The following PRH1 variants were observed in gnomAD, a reference collection of about 807,000 sequenced individuals.
PRH1 encodes the protein salivary acidic proline-rich phosphoprotein 1/2.
PRH1 carries 7 observed loss-of-function variants against 7.9 expected under a neutral mutation model. That is an observed-to-expected ratio of 0.89 (90% CI 0.50 to 1.67). The LOEUF is 1.67. Ranked by LOEUF, PRH1 falls within the 40% of genes most tolerant of loss-of-function variation. The pLI, the probability that PRH1 is intolerant of heterozygous loss-of-function variation, is 0.00. For synonymous variants in PRH1, 45 were observed against 80.8 expected, an observed-to-expected ratio of 0.56 and a Z score of 2.38; for missense variants, 109 against 223.6, an observed-to-expected ratio of 0.49 and a Z score of 3.27.
At chr12:10,943,299 T>A (rs1950433321) in intron 2 of PRH1, among the ~76,000 whole-genome samples, 1 of 152,148 alleles carries the variant, frequency 6.6e-6, no homozygotes, top group Non-Finnish European at 1.5e-5. Flanking sequence ...TACCTCATTG[T>A]GGTTTTGATT....
At chr12:10,960,029 A>C (rs993578930) in intron 2 of PRH1, among the ~76,000 whole-genome samples, 1 of 152,228 alleles carries the variant, frequency 6.6e-6, no homozygotes, top group African/African-American at 2.4e-5. Context: ...ATGAAGACTA[A>C]CCATTGGCAA....
At chr12:10,960,863 T>C (rs544671324) in intron 2 of PRH1, among the ~76,000 whole-genome samples, 18 of 152,320 alleles carry the variant, frequency 1.2e-4, no homozygotes, top group African/African-American at 4.3e-4. Flanking sequence ...ACATCCTTTT[T>C]AAAGTAAACG....
At chr12:10,893,845 C>T (rs1440884910) in intron 2 of PRH1, among the ~76,000 whole-genome samples, 1 of 152,016 alleles carries the variant, frequency 6.6e-6, no homozygotes, top group Non-Finnish European at 1.5e-5. Context: ...AATTGTTCTT[C>T]AAAATCTGCT....
chr12:10,901,397 C>A (rs1354343141), intron 2 of PRH1, among the ~76,000 whole-genome samples: 1 of 152,154 alleles, frequency 6.6e-6, no homozygotes, highest in African/African-American at 2.4e-5. Context: ...CTAGCTCCAC[C>A]CCTAGACAGA....
chr12:10,931,267 A>C (rs1448107364), intron 2 of PRH1: 4 of 1,278,996 alleles, frequency 3.1e-6, no homozygotes, highest in Non-Finnish European at 4.2e-6. Flanking sequence ...CTTGAAGGCA[A>C]TTCCAATTTT....
rs1485638724 is a variant in PRH1 at position 10,995,911 on chromosome 12, T to C, written c.-125-22190A>G. On this transcript the variant is annotated intron_variant, in intron 1 of 3. Transcript: ENST00000539853. ...AGCTATTAACATACTATATTAAATA[T>C]AATATTCCTCAGTATTGCTTTTGAT... 2.6e-5 allele frequency among the ~76,000 whole-genome samples: 4 copies of C among 152,118 alleles called. No individual in the cohort carries two copies. In the East Asian group the frequency reaches 7.7e-4, roughly 29 times the overall value.
chr12:11,143,888 A>G (rs554206377), intron 1 of PRH1, among the ~76,000 whole-genome samples: 3 of 152,328 alleles, frequency 2.0e-5, no homozygotes, highest in Admixed American at 6.5e-5. Context: ...TAGCAAGTCT[A>G]CTGGCTCCAG....
Position 11,134,015 on chromosome 12 carries a change from C to T in PRH1, n.40-12835G>A, listed in dbSNP as rs753995573. ...ATAAGCAGTAATTCTTACTTCTACA[C>T]TATAAAAAGCTGGATTCAACTGAGT... On this transcript the variant is annotated intron_variant and non_coding_transcript_variant, in intron 1 of 1. Transcript: ENST00000541175. 10 of 1,614,084 alleles carry T rather than the reference C, an allele frequency of 6.2e-6. No homozygotes were observed. In the Admixed American group the frequency reaches 1.5e-4, roughly 24 times the overall value.
At chr12:11,166,429 G>A (rs1947587837) in intron 1 of PRH1, 2 of 152,178 alleles carry the variant, frequency 1.3e-5, no homozygotes, top group Non-Finnish European at 1.5e-5. Context: ...ACAGACCTAG[G>A]AGTGCAGGCA....
chr12:11,115,655 A>T (rs753080217), intron 1 of PRH1, among the ~76,000 whole-genome samples: 4 of 152,174 alleles, frequency 2.6e-5, no homozygotes, highest in Non-Finnish European at 5.9e-5. Flanking sequence ...ATCACAAAAC[A>T]AGTCTTGAAC....
chr12:10,969,252 G>C (rs1164505221), intron 2 of PRH1, among the ~76,000 whole-genome samples: 1 of 152,172 alleles, frequency 6.6e-6, no homozygotes, highest in Non-Finnish European at 1.5e-5. Context: ...TCCCACCATA[G>C]TCTACAACAT....
rs11054062 is a variant in PRH1 at position 10,883,442 on chromosome 12, C to T, written c.65-346G>A. 4.6e-3 allele frequency among the ~76,000 whole-genome samples: 694 copies of T among 152,254 alleles called. 3 individuals are homozygous for T. The highest frequency in any genetic ancestry group is 8.3e-3 in the Non-Finnish European group (563 of 67,996). ...CATCCTCCTCTCTTCCCTCCACTTT[C>T]CTCCTCTATAGCATTTGCCTGTAAA... On this transcript the variant is annotated intron_variant, in intron 1 of 3. Coordinates refer to ENST00000543626, the MANE Select transcript of PRH1 (RefSeq NM_001393989.1).
At chr12:10,905,626 A>T (rs1442164647) in intron 2 of PRH1, among the ~76,000 whole-genome samples, 1 of 151,998 alleles carries the variant, frequency 6.6e-6, no homozygotes, top group Non-Finnish European at 1.5e-5. Context: ...AGATCATGTC[A>T]CTGCACTTCA....
intron 1 of PRH1, among the ~76,000 whole-genome samples, chr12:11,103,403 G>A (rs113534444): frequency 0.015 from 2,325 of 152,178 alleles, 18 homozygotes; most frequent in South Asian, 0.031. Context: ...CGTGGATGAA[G>A]CTAGAAACCA....
In PRH1 at chr12:11,096,206, T is replaced by C. The variant is rs1302985592; in HGVS notation, n.124-49018A>G. 4.3e-5 allele frequency among the ~76,000 whole-genome samples: 5 copies of C among 116,640 alleles called. 2 individuals are homozygous for C. The highest frequency in any genetic ancestry group is 1.0e-4 in the Non-Finnish European group (5 of 49,292). The allele number at this position is 116,640 out of a possible 152,430, so 76.5% of individuals were successfully genotyped here. A position where few individuals can be genotyped will look rare whatever the true frequency, so the allele number is the denominator to read the frequency against. ...AACTGCAGAAGTATGTTAGTTGTTC[T>C]GATTGTAGCTTCACTGTCTGTGGCC... On this transcript the variant is annotated intron_variant and non_coding_transcript_variant, in intron 1 of 4. Coordinates refer to the PRH1 transcript ENST00000541977.
At chr12:10,975,825 G>A (rs1388868761) in intron 1 of PRH1, among the ~76,000 whole-genome samples, 4 of 150,788 alleles carry the variant, frequency 2.7e-5, no homozygotes, top group African/African-American at 4.9e-5. Flanking sequence ...AAAAGACAAG[G>A]AAGGGCATTA....
chr12:10,963,813 T>C (rs1209822968), intron 2 of PRH1, among the ~76,000 whole-genome samples: 2 of 152,228 alleles, frequency 1.3e-5, no homozygotes, highest in Non-Finnish European at 2.9e-5. Flanking sequence ...ATATTTTTCA[T>C]CCTTGAATTT....
chr12:11,104,057 A>G (rs35860793), intron 1 of PRH1, among the ~76,000 whole-genome samples: 32,070 of 151,782 alleles, frequency 0.21, 3,975 homozygotes, highest in Non-Finnish European at 0.27. Flanking sequence ...CCCCCATCCA[A>G]CTTCATTGAG....
intron 1 of PRH1, among the ~76,000 whole-genome samples, chr12:11,156,971 G>A (rs549603930): frequency 7.9e-5 from 12 of 151,544 alleles, no homozygotes; most frequent in East Asian, 3.9e-4. Flanking sequence ...TCAGCCTCCC[G>A]AGTAGCTGGG....
Sources: gnomAD v4.1 joint callset for allele counts (sites outside exome capture counted in the v4.1 genomes callset) on GRCh38, gnomAD v4.1.1 for gene constraint, MANE v1.5 for transcripts, NCBI Gene and HGNC (gene_info 2026-07-23, HGNC 2026-07-21) for gene names.